Variants in TBC1D7 observed in about 807,000 individuals in gnomAD.
TBC1D7 encodes the protein TBC1 domain family member 7.
A neutral mutation model predicts 35.3 loss-of-function variants in TBC1D7; 33 were observed. The ratio of observed to expected loss-of-function variants is 0.93; its 90% confidence interval spans 0.71 to 1.25. The LOEUF is 1.25. TBC1D7 is among the 50% of genes most tolerant of loss of function. The pLI, the probability that TBC1D7 is intolerant of heterozygous loss-of-function variation, is 0.00. For missense variants in TBC1D7, 362 were observed against 365.3 expected, an observed-to-expected ratio of 0.99 and a Z score of 0.07; for synonymous variants, 135 against 129.5, an observed-to-expected ratio of 1.04 and a Z score of -0.29.
intron 1 of TBC1D7, among the ~76,000 whole-genome samples, chr6:13,327,255 A>G (rs1784462022): frequency 6.6e-6 from 1 of 152,226 alleles, no homozygotes; most frequent in Non-Finnish European, 1.5e-5. Context: ...AAATAAGTGA[A>G]ATGGAAGCCA....
chr6:13,322,839 T>C (rs1434791494), intron 3 of TBC1D7, among the ~76,000 whole-genome samples: 2 of 152,220 alleles, frequency 1.3e-5, no homozygotes, highest in Non-Finnish European at 2.9e-5. Flanking sequence ...CTCATCACCC[T>C]GCTAGAGGCA....
At chr6:13,313,992 G>C (rs1021083599) in intron 5 of TBC1D7, among the ~76,000 whole-genome samples, 23 of 152,088 alleles carry the variant, frequency 1.5e-4, no homozygotes, top group African/African-American at 5.1e-4. Flanking sequence ...GGAGGCCGAG[G>C]GGGCGGATCA....
intron 4 of TBC1D7, 94 bp from the exon 5 acceptor site, chr6:13,316,802 T>A (rs868383414): frequency 4.2e-6 from 6 of 1,444,890 alleles, no homozygotes; most frequent in South Asian, 1.2e-5. Flanking sequence ...CCCTAAATTT[T>A]GAAAAGGCTA....
rs1305190130 is a variant in TBC1D7 at position 13,316,551 on chromosome 6, A to G, written c.519+20T>C. The stretch of plus-strand genomic sequence containing the variant: ...CCATTGTTCACTCTCCAATAGCCAA[A>G]AAAAAAAAAAAGCCCTCACCAACTG... On this transcript the variant is annotated intron_variant, in intron 5 of 7. Coordinates refer to ENST00000379300, the MANE Select transcript of TBC1D7 (RefSeq NM_016495.6). The G allele has an allele frequency of 7.6e-7, 1 of 1,318,272 alleles. No individual in the cohort carries two copies. The highest frequency in any genetic ancestry group is 3.2e-5 in the African/African-American group (1 of 30,938). 81.7% of individuals were successfully genotyped at this position (1,318,272 alleles called of 1,614,324 possible).
chr6:13,308,744 A>G (rs546804023), intron 5 of TBC1D7, among the ~76,000 whole-genome samples: 110 of 152,340 alleles, frequency 7.2e-4, no homozygotes, highest in Non-Finnish European at 1.2e-3. Context: ...TACAATGTCC[A>G]CTATAGTCAG....
At chr6:13,327,340 T>A (rs1455661220) in intron 1 of TBC1D7, among the ~76,000 whole-genome samples, 2 of 152,256 alleles carry the variant, frequency 1.3e-5, no homozygotes, top group East Asian at 1.9e-4. Flanking sequence ...ACAAATTTCA[T>A]GTATTTTAAA....
chr6:13,307,651 A>C lies in TBC1D7; in HGVS notation c.614T>G (p.Leu205Arg). Residue 205 changes from leucine (L) to arginine (R), a missense_variant, in exon 6 of 8, where the codon CTC (leucine) becomes CGC (arginine). Coordinates refer to ENST00000379300, the MANE Select transcript of TBC1D7 (RefSeq NM_016495.6). ...TCCCGCAAAGCACCTCTTGAACCAG[A>C]GATCATAAGGAAGTTTGGGCGCCGC... Reference protein sequence around the residue: ...CSAAPKLPYDLWFKRCFAGCL... With the variant: ...CSAAPKLPYDRWFKRCFAGCL... 1 of 1,614,172 alleles carries C rather than the reference A, an allele frequency of 6.2e-7. No homozygotes were observed. Among genetic ancestry groups the C allele is most frequent in the Non-Finnish European group, 8.5e-7 (1 of 1,180,022 alleles).
At chr6:13,317,724 G>A (rs1033243056) in intron 4 of TBC1D7, among the ~76,000 whole-genome samples, 14 of 152,206 alleles carry the variant, frequency 9.2e-5, no homozygotes, top group South Asian at 8.3e-4. Context: ...TTGGCACCCC[G>A]AAAGGTGGCA....
chr6:13,319,127 C>T (rs1201776173), intron 4 of TBC1D7: 6 of 152,192 alleles, frequency 3.9e-5, no homozygotes, highest in African/African-American at 1.4e-4. Context: ...CTGGCCAGGG[C>T]TCTTCAAAAG....
At chr6:13,307,084 A>G (rs1192441232) in intron 6 of TBC1D7, 1 of 154,526 alleles carries the variant, frequency 6.5e-6, no homozygotes, top group African/African-American at 2.4e-5. Flanking sequence ...ACACTTAGTT[A>G]CATATTATCT....
intron 6 of TBC1D7, chr6:13,307,338 G>A: frequency 3.1e-6 from 1 of 320,768 alleles, no homozygotes; most frequent in Non-Finnish European, 5.7e-6. Flanking sequence ...GAAAAAAGGG[G>A]CTGACGCTTA....
intron 5 of TBC1D7, among the ~76,000 whole-genome samples, chr6:13,310,837 T>G (rs1185490466): frequency 6.6e-6 from 1 of 152,010 alleles, no homozygotes; most frequent in African/African-American, 2.4e-5. Flanking sequence ...CAAATACATA[T>G]GTGTATATAT....
chr6:13,324,658 T>C (rs11970322), intron 3 of TBC1D7, among the ~76,000 whole-genome samples: 24,068 of 152,032 alleles, frequency 0.16, 2,354 homozygotes, highest in East Asian at 0.32. Flanking sequence ...TTCTAGGGAG[T>C]AGTAAGTCTC....
At chr6:13,307,874 A>T in intron 5 of TBC1D7, 129 bp from the exon 6 acceptor site, 1 of 1,008,228 alleles carries the variant, frequency 9.9e-7, no homozygotes, top group East Asian at 2.6e-5. Flanking sequence ...CTTCAGAATT[A>T]TCCAAGTCAC....
chr6:13,320,898 G>C lies in TBC1D7; in HGVS notation c.381+10C>G, dbSNP rs1323001369. 8 of 1,612,298 alleles carry C rather than the reference G, an allele frequency of 5.0e-6. No homozygotes were observed. Among genetic ancestry groups the C allele is most frequent in the Non-Finnish European group, 5.9e-6 (7 of 1,178,728 alleles). The stretch of plus-strand genomic sequence containing the variant: ...GTTGAGCTTAGTGTCAGACAAAAGT[G>C]ACCACTAACCAGTGGAAAAGAGGGA... On this transcript the variant is annotated intron_variant, in intron 4 of 7. Coordinates refer to ENST00000379300, the MANE Select transcript of TBC1D7 (RefSeq NM_016495.6).
At chr6:13,312,125 A>G (rs971665643) in intron 5 of TBC1D7, among the ~76,000 whole-genome samples, 3 of 152,212 alleles carry the variant, frequency 2.0e-5, no homozygotes, top group Admixed American at 2.0e-4. Context: ...TCTGTGCTTC[A>G]GTATCCTCAT....
At chr6:13,321,555 C>T (rs1045348329) in intron 3 of TBC1D7, among the ~76,000 whole-genome samples, 2 of 152,186 alleles carry the variant, frequency 1.3e-5, no homozygotes, top group Non-Finnish European at 2.9e-5. Context: ...ACTAAGTATC[C>T]TATCCTCCAG....
intron 3 of TBC1D7, among the ~76,000 whole-genome samples, chr6:13,322,807 C>A (rs2458306): frequency 0.46 from 69,817 of 152,010 alleles, 17,461 homozygotes; most frequent in African/African-American, 0.64. Flanking sequence ...GCTAATACAG[C>A]TTAAACAGCT....
chr6:13,314,256 G>A (rs1179404503), intron 5 of TBC1D7, among the ~76,000 whole-genome samples: 4 of 150,704 alleles, frequency 2.7e-5, no homozygotes, highest in African/African-American at 7.3e-5. Flanking sequence ...ATGCACATAA[G>A]AGAATCTTGT....
Sources: gnomAD v4.1 joint callset for allele counts (sites outside exome capture counted in the v4.1 genomes callset) on GRCh38, gnomAD v4.1.1 for gene constraint, MANE v1.5 for transcripts, NCBI Gene and HGNC (gene_info 2026-07-23, HGNC 2026-07-21) for gene names.